Variants in ABHD15 observed in about 807,000 individuals in gnomAD.
ABHD15 encodes the protein protein ABHD15.
In ABHD15, 34 loss-of-function variants were observed where a neutral mutation model predicts 34.4. That is an observed-to-expected ratio of 0.99 (90% CI 0.75 to 1.32). The LOEUF (loss-of-function observed/expected upper bound fraction) is 1.32, where lower values mean the gene tolerates loss of function less well. ABHD15 is among the 40% of genes most tolerant of loss of function. ABHD15 has a pLI of 0.00. For missense variants in ABHD15, 644 were observed against 650.4 expected (o/e 0.99, Z 0.11); for synonymous variants, 314 against 299.2 (o/e 1.05, Z -0.51).
rs753440125 is a variant in ABHD15, at chr17:29,562,951, G to A, written c.1017C>T (p.Asn339=). The A allele has an allele frequency of 4.2e-5, 68 of 1,613,984 alleles. No homozygotes were observed. The highest frequency in any genetic ancestry group is 6.7e-5 in the Admixed American group (4 of 59,994). The change falls in exon 2 of 2, where the codon AAC becomes AAT. Residue 339 remains asparagine, a synonymous_variant. Coordinates refer to ENST00000307201, the MANE Select transcript of ABHD15 (RefSeq NM_198147.3). ...PISWDTYWDR[N]DPLRDVDEAA... Reference sequence around the variant, plus strand: ...CCTCATCGACATCCCGGAGCGGGTCGTTGCGGTCCCAGTAGGTATCCCAGC... The same window carrying A: ...CCTCATCGACATCCCGGAGCGGGTCATTGCGGTCCCAGTAGGTATCCCAGC...
Position 29,560,886 on chromosome 17 carries a change from C to T in ABHD15, c.*1675G>A, listed in dbSNP as rs1025832410. The T allele has an allele frequency of 3.3e-5, 5 of 152,148 alleles. No individual in the cohort carries two copies. The highest frequency in any genetic ancestry group is 2.0e-4 in the Admixed American group (3 of 15,276). 9.4% of individuals were successfully genotyped at this position (152,148 alleles called of 1,614,324 possible). ...AGCCAGGATGGTCTCGATCTCCTGA[C>T]CTCGTGATCCACCCACCTCGGCCTC... On this transcript the variant is annotated 3_prime_UTR_variant, in exon 2 of 2. Transcript: ENST00000307201.
rs374284598 is a variant in ABHD15 at position 29,562,920 on chromosome 17, C to T, written c.1048G>A (p.Val350Met). The change falls in exon 2 of 2, where the codon GTG (valine) becomes ATG (methionine). Residue 350 changes from valine to methionine, a missense_variant. Val to Met is a conservative substitution (Grantham distance 21). Coordinates refer to ENST00000307201, the MANE Select transcript of ABHD15 (RefSeq NM_198147.3). ...GCACTGCAGATACACAGCACAGGCA[C>T]GGCTGCCTCATCGACATCCCGGAGC... ...DPLRDVDEAAVPVLCICSADD... is the reference protein window; with the variant it reads ...DPLRDVDEAAMPVLCICSADD... 1.1e-5 allele frequency: 18 copies of T among 1,613,972 alleles called. No homozygotes were observed. The highest frequency in any genetic ancestry group is 2.2e-5 in the South Asian group (2 of 91,086).
chr17:29,565,611 G>A (rs567688964), intron 1 of ABHD15, among the ~76,000 whole-genome samples: 87 of 152,330 alleles, frequency 5.7e-4, no homozygotes, highest in African/African-American at 1.9e-3. Context: ...GATTACAGGC[G>A]GGAGCCACTG....
chr17:29,565,967 A>G, intron 1 of ABHD15, 119 bp downstream of exon 1: 3 of 1,365,328 alleles, frequency 2.2e-6, no homozygotes, highest in South Asian at 1.5e-5. Context: ...AGATGTGTTC[A>G]GAGAACTTTG....
chr17:29,563,060 A>G lies in ABHD15; in HGVS notation c.908T>C (p.Val303Ala). The G allele has an allele frequency of 6.2e-7, 1 of 1,608,430 alleles. No individual in the cohort carries two copies. Among genetic ancestry groups the G allele is most frequent in the Non-Finnish European group, 8.5e-7 (1 of 1,179,772 alleles). The change falls in exon 2 of 2, where the codon GTG (valine) becomes GCG (alanine). Residue 303 changes from valine to alanine, a missense_variant. Transcript: ENST00000307201. The stretch of plus-strand genomic sequence containing the variant: ...GCTCCTGAACAGTCTGCTGGTGTCC[A>G]CAGTGTCCTCCAGGGCTGTGGCATA... Reference protein sequence around the residue: ...SRYATALEDTVDTSRLFRSRS... With the variant: ...SRYATALEDTADTSRLFRSRS...
At position 29,562,873 on chromosome 17, in the gene ABHD15, G is replaced by A. The variant is rs1186642281; in HGVS notation, c.1095C>T (p.Pro365=). ...ICSADDPVCG[P]PDHTLTTELF... is the part of the protein sequence containing the mutation. ...GTTCAGTTGTCAGAGTGTGGTCTGGGGGTCCACACACGGGGTCGTCAGCAC... is the reference window on the plus strand; with the variant it reads ...GTTCAGTTGTCAGAGTGTGGTCTGGAGGTCCACACACGGGGTCGTCAGCAC... Residue 365 remains proline (P), a synonymous_variant, in exon 2 of 2, where the codon CCC becomes CCT. Coordinates refer to ENST00000307201, the MANE Select transcript of ABHD15 (RefSeq NM_198147.3). 5.0e-6 allele frequency: 8 copies of A among 1,614,016 alleles called. No homozygotes were observed. The highest frequency in any genetic ancestry group is 4.4e-5 in the South Asian group (4 of 91,084).
At chr17:29,563,940 GTGGGAAGATCCAGCCACA>G in intron 1 of ABHD15, among the ~76,000 whole-genome samples, 1 of 152,366 alleles carries the variant, frequency 6.6e-6, no homozygotes, top group East Asian at 1.9e-4. Flanking sequence ...CTCTAGGGAA[GTGGGAAGATCCAGCCACA>G]TGGGTGGGCA....
At chr17:29,566,042 G>T (rs374244109) in intron 1 of ABHD15, 44 bp downstream of exon 1, 1 of 1,507,128 alleles carries the variant, frequency 6.6e-7, no homozygotes, top group South Asian at 1.3e-5. Context: ...GCCAGCTCAG[G>T]CCCTCTATTC....
At chr17:29,565,966 C>T in intron 1 of ABHD15, 120 bp downstream of exon 1, 1 of 1,360,776 alleles carries the variant, frequency 7.3e-7, no homozygotes, top group Non-Finnish European at 9.8e-7. Context: ...AAGATGTGTT[C>T]AGAGAACTTT....
Position 29,566,247 on chromosome 17 carries a change from C to T in ABHD15, c.720G>A (p.Ser240=), listed in dbSNP as rs748256915. 6.2e-7 allele frequency: 1 copy of T among 1,610,466 alleles called. No individual in the cohort carries two copies. The highest frequency in any genetic ancestry group is 1.7e-5 in the Admixed American group (1 of 59,664). ...PLFAVSEGSG[S]ALLLSYLGEC... ...CGCCCAGGTAGGACAGGAGCAGCGC[C>T]GAGCCCGAGCCTTCGCTCACCGCGA... Residue 240 remains serine (S), a synonymous_variant, in exon 1 of 2, where the codon TCG becomes TCA. Transcript: ENST00000307201.
At chr17:29,563,300 AC>A (rs1161651580) in intron 1 of ABHD15, among the ~76,000 whole-genome samples, 2 of 151,692 alleles carry the variant, frequency 1.3e-5, no homozygotes, top group African/African-American at 2.4e-5. Flanking sequence ...TAATCCAAAC[AC>A]TCTGGGAGGC....
At position 29,562,265 on chromosome 17, in the gene ABHD15, C is replaced by T. The variant is rs1295376961; in HGVS notation, c.*296G>A. On this transcript the variant is annotated 3_prime_UTR_variant, in exon 2 of 2. Coordinates refer to ENST00000307201, the MANE Select transcript of ABHD15 (RefSeq NM_198147.3). ...CCTGAGTCCATGGATTGAAAAAGTGCTATCCTTTGGCTTGTGATGTCAGTG... is the reference window on the plus strand; with the variant it reads ...CCTGAGTCCATGGATTGAAAAAGTGTTATCCTTTGGCTTGTGATGTCAGTG... 1 of 292,608 alleles carries T rather than the reference C, an allele frequency of 3.4e-6. No individual in the cohort carries two copies. Among genetic ancestry groups the T allele is most frequent in the African/African-American group, 2.1e-5 (1 of 46,702 alleles). The allele number at this position is 292,608 out of a possible 1,614,324, so 18.1% of individuals were successfully genotyped here.
chr17:29,565,921 G>T, intron 1 of ABHD15, 165 bp downstream of exon 1: 1 of 948,588 alleles, frequency 1.1e-6, no homozygotes, highest in Non-Finnish European at 1.5e-6. Flanking sequence ...CGCTTCCCCG[G>T]TTCTGTCTAG....
rs138644325 is a variant in ABHD15 at position 29,562,776 on chromosome 17, C to A, written c.1192G>T (p.Glu398Ter). Reference sequence around the variant, plus strand: ...TCATGGCTCCAGGCTGGCAAGGGCTCCTGGCGCAGGAAGCCACAGTGGCCT... The same window carrying A: ...TCATGGCTCCAGGCTGGCAAGGGCTACTGGCGCAGGAAGCCACAGTGGCCT... ...HGGHCGFLRQ[E>*]PLPAWSHEVI... The change falls in exon 2 of 2, where the codon GAG becomes TAG. Residue 398 changes from glutamate (E) to a stop codon, truncating the protein, a stop_gained. Transcript: ENST00000307201. LOFTEE classifies it high-confidence loss of function. 1 of 1,613,616 alleles carries A rather than the reference C, an allele frequency of 6.2e-7. No individual in the cohort carries two copies. The highest frequency in any genetic ancestry group is 8.5e-7 in the Non-Finnish European group (1 of 1,179,622).
In ABHD15 at chr17:29,562,629, T is replaced by C; in HGVS notation, c.1339A>G (p.Arg447Gly). 6.2e-7 allele frequency: 1 copy of C among 1,614,056 alleles called. No individual in the cohort carries two copies. Among genetic ancestry groups the C allele is most frequent in the Non-Finnish European group, 8.5e-7 (1 of 1,180,002 alleles). The stretch of plus-strand genomic sequence containing the variant: ...TTGGAAGAGGAAGAGACTTCCCGCC[T>C]CTGCAAGGCTCCCCCACGACGACGG... Reference protein sequence around the residue: ...GGRRRGGALQRREVSSSSNLE... With the variant: ...GGRRRGGALQGREVSSSSNLE... Residue 447 changes from arginine to glycine, a missense_variant, in exon 2 of 2, where the codon AGG becomes GGG. By Grantham distance (125) the Arg-to-Gly change is moderately radical. Coordinates refer to ENST00000307201, the MANE Select transcript of ABHD15 (RefSeq NM_198147.3).
intron 1 of ABHD15, among the ~76,000 whole-genome samples, chr17:29,563,498 A>G (rs1026184345): frequency 2.0e-5 from 3 of 152,058 alleles, no homozygotes; most frequent in Non-Finnish European, 4.4e-5. Flanking sequence ...GTGAGCTATG[A>G]TTGCACCATT....
In ABHD15 at chr17:29,566,615, G is replaced by A. The variant is rs775304987; in HGVS notation, c.352C>T (p.Pro118Ser). Residue 118 changes from proline (P) to serine (S), a missense_variant, in exon 1 of 2, where the codon CCT (proline) becomes TCT (serine). Physicochemically the swap from Pro to Ser is moderately conservative, Grantham distance 74 (BLOSUM62 -1). Transcript: ENST00000307201. ...TLCHFVLPVA[P>S]GPELAREYLQ... is the part of the protein sequence containing the mutation. ...TACTCCCGGGCCAGCTCAGGCCCAGGCGCTACGGGCAGGACGAAGTGGCAG... is the reference window on the plus strand; with the variant it reads ...TACTCCCGGGCCAGCTCAGGCCCAGACGCTACGGGCAGGACGAAGTGGCAG... 10 of 1,608,690 alleles carry A rather than the reference G, an allele frequency of 6.2e-6. No individual in the cohort carries two copies. The South Asian group carries it at 8.8e-5, about 14-fold the overall frequency.
Position 29,562,750 on chromosome 17 carries a change from C to T in ABHD15, c.1218G>A (p.Glu406=), listed in dbSNP as rs762515545. The T allele has an allele frequency of 6.2e-7, 1 of 1,614,028 alleles. No individual in the cohort carries two copies. Among genetic ancestry groups the T allele is most frequent in the African/African-American group, 1.3e-5 (1 of 74,938 alleles). Reference sequence around the variant, plus strand: ...AGGCCCGGAAGGACTCCAAGATGACCTCATGGCTCCAGGCTGGCAAGGGCT... The same window carrying T: ...AGGCCCGGAAGGACTCCAAGATGACTTCATGGCTCCAGGCTGGCAAGGGCT... ...RQEPLPAWSH[E]VILESFRALT... The change falls in exon 2 of 2, where the codon GAG becomes GAA. Residue 406 remains glutamate (E), a synonymous_variant. Transcript: ENST00000307201.
chr17:29,565,610 C>T (rs1293714785), intron 1 of ABHD15, among the ~76,000 whole-genome samples: 2 of 152,292 alleles, frequency 1.3e-5, no homozygotes, highest in South Asian at 2.1e-4. Context: ...GGATTACAGG[C>T]GGGAGCCACT....
Sources: gnomAD v4.1 joint callset for allele counts (sites outside exome capture counted in the v4.1 genomes callset) on GRCh38, gnomAD v4.1.1 for gene constraint, MANE v1.5 for transcripts, NCBI Gene and HGNC (gene_info 2026-07-23, HGNC 2026-07-21) for gene names.